ING3: variants seen among roughly 807,000 people sequenced by gnomAD.
ING3 encodes the protein inhibitor of growth protein 3.
ING3 carries 6 observed loss-of-function variants against 64.8 expected under a neutral mutation model. The ratio of observed to expected loss-of-function variants is 0.09; its 90% CI spans 0.05 to 0.18. The LOEUF (loss-of-function observed/expected upper bound fraction) is 0.18, where lower values mean the gene tolerates loss of function less well. Among genes scored for constraint, ING3 ranks in the 10% least tolerant of loss-of-function variants. ING3 has a pLI of 1.00. For missense variants in ING3, 310 were observed against 489.7 expected, an observed-to-expected ratio of 0.63 and a Z score of 3.46; for synonymous variants, 170 against 173.7, an observed-to-expected ratio of 0.98 and a Z score of 0.17.
At position 120,950,820 on chromosome 7, in the gene ING3, G is replaced by A; in HGVS notation, c.-77G>A. The A allele has an allele frequency of 6.7e-7, 1 of 1,489,874 alleles. No homozygotes were observed. The allele number at this position is 1,489,874 out of a possible 1,614,324, so 92.3% of individuals were successfully genotyped here. On this transcript the variant is annotated 5_prime_UTR_variant, in exon 1 of 12. Coordinates refer to ENST00000315870, the MANE Select transcript of ING3 (RefSeq NM_019071.3). ...TGCTAGCGGAGGCGCCATATTGGAGGGGACAAAACTCCGGCGACAGCGAGT... is the reference window on the plus strand; with the variant it reads ...TGCTAGCGGAGGCGCCATATTGGAGAGGACAAAACTCCGGCGACAGCGAGT...
At chr7:120,966,462 G>A (rs1461988116) in intron 5 of ING3, among the ~76,000 whole-genome samples, 164 bp from the exon 6 acceptor site, 2 of 152,222 alleles carry the variant, frequency 1.3e-5, no homozygotes, top group Non-Finnish European at 2.9e-5. Flanking sequence ...GGGATGGACA[G>A]TGGTGATCCT....
chr7:120,961,146 C>T lies in ING3; in HGVS notation c.268-3596C>T, dbSNP rs533283720. Among the ~76,000 whole-genome samples the T allele has an allele frequency of 4.7e-4, 71 of 152,256 alleles. 1 individual carries two copies. In the South Asian group the frequency reaches 0.014, roughly 30 times the overall value. ...TTTCTGTCCTGTCCTTATTGTCTTT[C>T]AGGAAGATGATTAGACAGAGTTATA... is the stretch of plus-strand genomic sequence containing the variant. On this transcript the variant is annotated intron_variant, in intron 4 of 11. Transcript: ENST00000315870.
chr7:120,958,275 A>G (rs1410856599), intron 4 of ING3, among the ~76,000 whole-genome samples: 1 of 151,512 alleles, frequency 6.6e-6, no homozygotes, highest in East Asian at 1.9e-4. Context: ...TTTCAGGTGA[A>G]CATTATATCC....
rs777819090 is a variant in ING3 at position 120,968,022 on chromosome 7, G to A, written c.645G>A (p.Ser215=). ...CTCTGGGATCCTATAACATTGGCTC[G>A]TTATCTTCAGGAACTGGTGCAGGGG... ...SQPLGSYNIG[S]LSSGTGAGAI... The change falls in exon 8 of 12, where the codon TCG becomes TCA. Residue 215 remains serine (S), a synonymous_variant. Coordinates refer to ENST00000315870, the MANE Select transcript of ING3 (RefSeq NM_019071.3). The A allele has an allele frequency of 1.3e-5, 21 of 1,613,902 alleles. No homozygotes were observed. Among genetic ancestry groups the A allele is most frequent in the African/African-American group, 1.1e-4 (8 of 74,866 alleles).
intron 3 of ING3, among the ~76,000 whole-genome samples, chr7:120,954,145 G>A (rs10269373): frequency 0.024 from 3,609 of 152,234 alleles, 155 homozygotes; most frequent in African/African-American, 0.082. Context: ...CAACTAAGAG[G>A]CCTGGCGTGG....
intron 4 of ING3, among the ~76,000 whole-genome samples, chr7:120,958,783 A>G (rs1195570870): frequency 6.6e-6 from 1 of 152,232 alleles, no homozygotes; most frequent in Non-Finnish European, 1.5e-5. Context: ...ATATTTAAAA[A>G]GAACTCAGGC....
chr7:120,955,924 GTCT>G (rs1414661329), intron 4 of ING3: 16 of 569,188 alleles, frequency 2.8e-5, no homozygotes, highest in African/African-American at 2.3e-4. Flanking sequence ...ACTAATCCTT[GTCT>G]TCTTAAGGTA....
chr7:120,958,869 C>G (rs187560924), intron 4 of ING3, among the ~76,000 whole-genome samples: 2 of 152,326 alleles, frequency 1.3e-5, no homozygotes, highest in African/African-American at 4.8e-5. Flanking sequence ...CATTCAGACT[C>G]TTTGACACTC....
chr7:120,967,504 A>G (rs948646317), intron 6 of ING3, 25 bp from the exon 7 acceptor site: 2 of 1,476,352 alleles, frequency 1.4e-6, no homozygotes, highest in African/African-American at 1.4e-5. Flanking sequence ...GTTTAAAAAC[A>G]CATGAATTTT....
At chr7:120,973,408 T>G (rs1450513515) in intron 11 of ING3, among the ~76,000 whole-genome samples, 165 bp downstream of exon 11, 2 of 152,152 alleles carry the variant, frequency 1.3e-5, no homozygotes, top group Non-Finnish European at 2.9e-5. Flanking sequence ...TAGGGTAGTG[T>G]CCCTTAATGT....
chr7:120,957,960 T>C (rs1795875561), intron 4 of ING3, among the ~76,000 whole-genome samples: 1 of 152,178 alleles, frequency 6.6e-6, no homozygotes, highest in Non-Finnish European at 1.5e-5. Context: ...TTAGAATACA[T>C]ACAATGCTAT....
At chr7:120,974,592 A>G in intron 11 of ING3, 136 bp from the exon 12 acceptor site, 1 of 496,982 alleles carries the variant, frequency 2.0e-6, no homozygotes, top group Non-Finnish European at 3.7e-6. Flanking sequence ...TAAATAATCT[A>G]GATCTAAAAA....
intron 2 of ING3, among the ~76,000 whole-genome samples, chr7:120,952,270 G>A (rs940158808): frequency 6.6e-6 from 1 of 152,106 alleles, no homozygotes; most frequent in African/African-American, 2.4e-5. Flanking sequence ...TTGTTTTAGG[G>A]CTTTACTAAT....
At chr7:120,968,845 CA>C (rs377274991) in intron 8 of ING3, among the ~76,000 whole-genome samples, 165 bp from the exon 9 acceptor site, 19,450 of 59,330 alleles carry the variant, frequency 0.33, 750 homozygotes, top group African/African-American at 0.41. Context: ...AACTCCACCT[CA>C]AAAAAAAAAA....
intron 6 of ING3, among the ~76,000 whole-genome samples, chr7:120,967,249 T>C (rs1455186192): frequency 6.6e-6 from 1 of 152,188 alleles, no homozygotes; most frequent in African/African-American, 2.4e-5. Context: ...TAGATTGTGT[T>C]TTGAAAACAA....
chr7:120,973,304 A>G, intron 11 of ING3, 61 bp downstream of exon 11: 2 of 1,067,398 alleles, frequency 1.9e-6, no homozygotes, highest in Admixed American at 1.8e-5. Flanking sequence ...TTACTTGAAT[A>G]TTTGTCTTAT....
chr7:120,969,257 T>A lies in ING3; in HGVS notation c.908+53T>A. 3 of 1,423,514 alleles carry A rather than the reference T, an allele frequency of 2.1e-6. 1 individual carries two copies. The South Asian group carries it at 3.9e-5, about 18-fold the overall frequency. 88.2% of individuals were successfully genotyped at this position (1,423,514 alleles called of 1,614,324 possible). On this transcript the variant is annotated intron_variant, in intron 9 of 11. Transcript: ENST00000315870. ...TACCTTTACTGAACACTTGGTCTAC[T>A]TGACACTTCAGCCAGGCCTCTCTAT...
At chr7:120,968,172 A>G (rs1359011170) in intron 8 of ING3, 81 bp downstream of exon 8, 1 of 1,235,988 alleles carries the variant, frequency 8.1e-7, no homozygotes, top group African/African-American at 1.5e-5. Flanking sequence ...CGGGATGTGA[A>G]CAAATAGTTT....
rs114562841 is a variant in ING3 at position 120,957,405 on chromosome 7, T to C, written c.267+1781T>C. Among the ~76,000 whole-genome samples the C allele has an allele frequency of 5.6e-3, 849 of 150,750 alleles. 13 individuals are homozygous for C. Among genetic ancestry groups the C allele is most frequent in the African/African-American group, 0.02 (807 of 41,136 alleles). ...AAAAAAAAGTAATACTAGAAATGGC[T>C]CTTGTCCTCAAGGTGTCTGTAAACT... is the stretch of plus-strand genomic sequence containing the variant. On this transcript the variant is annotated intron_variant, in intron 4 of 11. Coordinates refer to ENST00000315870, the MANE Select transcript of ING3 (RefSeq NM_019071.3).
Sources: allele counts gnomAD v4.1 joint callset (sites outside exome capture counted in the v4.1 genomes callset), GRCh38; gene constraint gnomAD v4.1.1; transcripts MANE v1.5; gene names NCBI Gene and HGNC (gene_info 2026-07-23, HGNC 2026-07-21).